Variants in AP2B1 observed in about 807,000 individuals in gnomAD.
The protein encoded by AP2B1 is AP-2 complex subunit beta.
In AP2B1, 23 loss-of-function variants were observed where a neutral mutation model predicts 102.0. That is an observed-to-expected ratio of 0.23 (90% confidence interval 0.16 to 0.32). The LOEUF (loss-of-function observed/expected upper bound fraction) is 0.32. Ranked by LOEUF, AP2B1 falls within the 10% of genes least tolerant of loss-of-function variation. The pLI, the probability that AP2B1 is intolerant of heterozygous loss-of-function variation, is 1.00. For missense variants in AP2B1, 541 were observed against 1,157.4 expected, an observed-to-expected ratio of 0.47 and a Z score of 7.73; for synonymous variants, 381 against 421.2, an observed-to-expected ratio of 0.90 and a Z score of 1.17.
At chr17:35,589,449 C>T (rs2073012360) in intron 1 of AP2B1, among the ~76,000 whole-genome samples, 1 of 152,118 alleles carries the variant, frequency 6.6e-6, no homozygotes, top group Non-Finnish European at 1.5e-5. Context: ...TAATTTTTTT[C>T]TGACCTTATT....
chr17:35,652,285 G>A (rs147299751), intron 13 of AP2B1, among the ~76,000 whole-genome samples: 584 of 152,258 alleles, frequency 3.8e-3, no homozygotes, highest in African/African-American at 0.013. Context: ...GGAATGATAC[G>A]TTGCTGCAAA....
chr17:35,667,923 C>T (rs1055583638), intron 14 of AP2B1, among the ~76,000 whole-genome samples: 5 of 149,092 alleles, frequency 3.4e-5, no homozygotes, highest in South Asian at 2.1e-4. Flanking sequence ...GGGTTTTCCT[C>T]GCTGCTCAAA....
At chr17:35,630,460 A>G (rs561652040) in intron 9 of AP2B1, among the ~76,000 whole-genome samples, 10 of 152,318 alleles carry the variant, frequency 6.6e-5, no homozygotes, top group Middle Eastern at 3.4e-3. Context: ...ATTTTCAGAG[A>G]GATTTTGGTA....
chr17:35,655,110 C>T (rs1172188313), intron 13 of AP2B1, among the ~76,000 whole-genome samples: 1 of 152,002 alleles, frequency 6.6e-6, no homozygotes, highest in African/African-American at 2.4e-5. Context: ...TTATTCCGGT[C>T]TGATATAAGC....
chr17:35,685,659 T>G (rs1293094622), intron 18 of AP2B1, among the ~76,000 whole-genome samples: 1 of 152,190 alleles, frequency 6.6e-6, no homozygotes, highest in Non-Finnish European at 1.5e-5. Context: ...AGAACTGTAG[T>G]ATAAAACTTA....
intron 21 of AP2B1, among the ~76,000 whole-genome samples, chr17:35,720,573 A>ATTTTTTTTTTTTTTTTTTTT (rs1208973388): frequency 3.6e-5 from 1 of 28,074 alleles, no homozygotes; most frequent in Non-Finnish European, 6.2e-5. Flanking sequence ...ATATATATAT[A>ATTTTTTTTTTTTTTTTTTTT]TTTTTTTTTT....
At chr17:35,597,190 T>C (rs959771548) in intron 2 of AP2B1, 5 of 445,886 alleles carry the variant, frequency 1.1e-5, no homozygotes, top group African/African-American at 8.1e-5. Flanking sequence ...ACAGGAACAG[T>C]CTTGAAGGTG....
chr17:35,630,827 C>T (rs955022067), intron 9 of AP2B1, among the ~76,000 whole-genome samples: 9 of 152,202 alleles, frequency 5.9e-5, no homozygotes, highest in African/African-American at 2.2e-4. Flanking sequence ...GGTCACCCTT[C>T]AGGAATCCTG....
At chr17:35,673,299 C>T (rs928901661) in intron 16 of AP2B1, among the ~76,000 whole-genome samples, 35 of 152,250 alleles carry the variant, frequency 2.3e-4, no homozygotes, top group African/African-American at 7.7e-4. Flanking sequence ...CAAGCTCTGC[C>T]TCAGCCTCCC....
intron 13 of AP2B1, among the ~76,000 whole-genome samples, chr17:35,653,524 A>C (rs2075142477): frequency 6.6e-6 from 1 of 152,124 alleles, no homozygotes; most frequent in South Asian, 2.1e-4. Flanking sequence ...CCCAGGCTGG[A>C]GTGCAGTGGT....
intron 16 of AP2B1, among the ~76,000 whole-genome samples, chr17:35,672,503 T>C (rs1167888302): frequency 1.3e-5 from 2 of 152,200 alleles, no homozygotes; most frequent in African/African-American, 4.8e-5. Flanking sequence ...TCATACAGTC[T>C]TACCTTTCTG....
intron 18 of AP2B1, among the ~76,000 whole-genome samples, chr17:35,702,855 T>C (rs1196868915): frequency 2.0e-5 from 3 of 152,152 alleles, no homozygotes; most frequent in Non-Finnish European, 4.4e-5. Flanking sequence ...ATGGCTATTA[T>C]TAAAAAAATT....
intron 20 of AP2B1, among the ~76,000 whole-genome samples, 181 bp downstream of exon 20, chr17:35,710,501 T>C (rs1229534554): frequency 6.6e-6 from 1 of 152,216 alleles, no homozygotes; most frequent in Non-Finnish European, 1.5e-5. Flanking sequence ...TGTTTTGATG[T>C]AGGTACTAGA....
At chr17:35,608,112 C>T (rs1420017476) in intron 4 of AP2B1, 30 bp from the exon 5 acceptor site, 2 of 1,611,136 alleles carry the variant, frequency 1.2e-6, no homozygotes, top group Admixed American at 3.3e-5. Flanking sequence ...ACCATGTATA[C>T]CTACAGTTGT....
chr17:35,645,519 A>G (rs1019604296), intron 12 of AP2B1, among the ~76,000 whole-genome samples: 3 of 152,244 alleles, frequency 2.0e-5, no homozygotes, highest in African/African-American at 7.2e-5. Flanking sequence ...CCTGTTACAC[A>G]GAAATTCAAT....
At chr17:35,723,507 C>T in intron 21 of AP2B1, 118 bp from the exon 22 acceptor site, 1 of 671,254 alleles carries the variant, frequency 1.5e-6, no homozygotes, top group Non-Finnish European at 2.8e-6. Context: ...TTAGCTACTC[C>T]AGTGATAGAA....
rs1320238447 is a variant in AP2B1 at position 35,641,867 on chromosome 17, G to A, written c.1438-10G>A. On this transcript the variant is annotated splice_polypyrimidine_tract_variant and intron_variant, in intron 11 of 21. Transcript: ENST00000610402. Reference sequence around the variant, plus strand: ...ATTCTTTCACACTATCACAAATTATGTCTGTTTAGGTGCAGCTCACTCTGC... The same window carrying A: ...ATTCTTTCACACTATCACAAATTATATCTGTTTAGGTGCAGCTCACTCTGC... 3 of 1,591,620 alleles carry A rather than the reference G, an allele frequency of 1.9e-6. No individual in the cohort carries two copies. Among genetic ancestry groups the A allele is most frequent in the Admixed American group, 3.4e-5 (2 of 59,676 alleles).
chr17:35,709,358 G>A (rs2076403785), intron 19 of AP2B1, 50 bp downstream of exon 19: 1 of 1,481,010 alleles, frequency 6.8e-7, no homozygotes. Flanking sequence ...CCCTTCCTGT[G>A]CATGTCAGGC....
chr17:35,717,500 T>G lies in AP2B1; in HGVS notation c.2781+151T>G, dbSNP rs2085210292. The G allele has an allele frequency of 3.6e-6, 3 of 843,208 alleles. No individual in the cohort carries two copies. The Admixed American group carries it at 8.5e-5, about 24-fold the overall frequency. 52.2% of individuals were successfully genotyped at this position (843,208 alleles called of 1,614,324 possible). A position where few individuals can be genotyped will look rare whatever the true frequency, so the allele number is the denominator to read the frequency against. ...GTCAATGAAGAAGCTTCCATTTGCC[T>G]CAATGGAAGACCTCCTCTCTGCAGT... On this transcript the variant is annotated intron_variant, in intron 21 of 21. Transcript: ENST00000610402.
Sources: allele counts gnomAD v4.1 joint callset (sites outside exome capture counted in the v4.1 genomes callset), GRCh38; gene constraint gnomAD v4.1.1; transcripts MANE v1.5; gene names NCBI Gene and HGNC (gene_info 2026-07-23, HGNC 2026-07-21).